Variants in CAMK4 observed in about 807,000 individuals in gnomAD.
CAMK4 encodes the protein calcium/calmodulin-dependent protein kinase type IV.
A neutral mutation model predicts 44.9 loss-of-function variants in CAMK4; 22 were observed. The ratio of observed to expected loss-of-function variants is 0.49; its 90% confidence interval spans 0.35 to 0.70. The LOEUF (loss-of-function observed/expected upper bound fraction) is 0.70. CAMK4 is among the 30% of genes least tolerant of loss of function. CAMK4 has a pLI of 0.01. For synonymous variants in CAMK4, 218 were observed against 215.4 expected, an observed-to-expected ratio of 1.01 and a Z score of -0.11; for missense variants, 498 against 586.8, an observed-to-expected ratio of 0.85 and a Z score of 1.56.
chr5:111,458,457 G>A (rs1204346782), intron 7 of CAMK4, among the ~76,000 whole-genome samples: 1 of 152,138 alleles, frequency 6.6e-6, no homozygotes, highest in Non-Finnish European at 1.5e-5. Context: ...CAGGTTTTTT[G>A]TCATTTATTA....
intron 2 of CAMK4, among the ~76,000 whole-genome samples, chr5:111,353,111 G>C (rs1750182455): frequency 6.6e-6 from 1 of 152,132 alleles, no homozygotes; most frequent in Admixed American, 6.5e-5. Context: ...TAGAAAGCCA[G>C]GTACCTAAAT....
rs764387900 is a variant in CAMK4, at chr5:111,482,801, T to A, written c.845T>A (p.Val282Asp). 2 of 1,607,652 alleles carry A rather than the reference T, an allele frequency of 1.2e-6. No individual in the cohort carries two copies. The highest frequency in any genetic ancestry group is 1.7e-6 in the Non-Finnish European group (2 of 1,178,204). ...NAKDLVRKLI[V>D]LDPKKRLTTF... is the part of the protein sequence containing the mutation. ...TTATTTCAGGTCAGAAAATTAATTG[T>A]TTTGGATCCAAAGAAACGGCTGACT... is the stretch of plus-strand genomic sequence containing the variant. The change falls in exon 10 of 11, where the codon GTT (valine) becomes GAT (aspartate). Residue 282 changes from valine to aspartate, a missense_variant. Coordinates refer to ENST00000282356, the MANE Select transcript of CAMK4 (RefSeq NM_001744.6). This position sits in a 1 kb window ranked among gnomAD's most constrained non-coding sequence, Gnocchi z 4.9.
intron 5 of CAMK4, among the ~76,000 whole-genome samples, chr5:111,442,248 C>A (rs1170383681): frequency 6.6e-6 from 1 of 152,098 alleles, no homozygotes; most frequent in Non-Finnish European, 1.5e-5. Context: ...AATCCCAGCA[C>A]TTGGGGAGGC....
At chr5:111,261,165 T>C (rs1344088320) in intron 1 of CAMK4, among the ~76,000 whole-genome samples, 1 of 152,206 alleles carries the variant, frequency 6.6e-6, no homozygotes, top group African/African-American at 2.4e-5. Flanking sequence ...CCCTGATTAT[T>C]CCCAAACTCA....
At chr5:111,361,535 A>G (rs192079791) in intron 2 of CAMK4, among the ~76,000 whole-genome samples, 1 of 152,158 alleles carries the variant, frequency 6.6e-6, no homozygotes, top group Admixed American at 6.6e-5. Context: ...TTTACCATAT[A>G]AAAATTACTA....
At chr5:111,231,925 G>A (rs1022154078) in intron 1 of CAMK4, among the ~76,000 whole-genome samples, 35 of 152,296 alleles carry the variant, frequency 2.3e-4, no homozygotes, top group African/African-American at 8.2e-4. Flanking sequence ...AAAAAGAGAT[G>A]ATCAAAGATT....
At chr5:111,250,722 T>TATG (rs1288174468) in intron 1 of CAMK4, among the ~76,000 whole-genome samples, 1 of 152,226 alleles carries the variant, frequency 6.6e-6, no homozygotes, top group East Asian at 1.9e-4. Flanking sequence ...CCATCACCAC[T>TATG]ATGATCTTTT....
intron 1 of CAMK4, among the ~76,000 whole-genome samples, chr5:111,234,055 C>G (rs1748596982): frequency 1.3e-5 from 2 of 151,640 alleles, no homozygotes; most frequent in Non-Finnish European, 2.9e-5. Flanking sequence ...ACATATATAC[C>G]ATTAATAGGT....
chr5:111,433,999 C>CA (rs1459183494), intron 5 of CAMK4, among the ~76,000 whole-genome samples: 1 of 152,060 alleles, frequency 6.6e-6, no homozygotes, highest in Non-Finnish European at 1.5e-5. Context: ...GCTTAAAAGA[C>CA]AAATGTAATA....
chr5:111,449,079 A>G (rs1188203655), intron 6 of CAMK4, 50 bp from the exon 7 acceptor site: 2 of 803,250 alleles, frequency 2.5e-6, no homozygotes, highest in East Asian at 2.5e-5. Context: ...ATATTTTGTC[A>G]TAAAAGCTGA....
chr5:111,252,930 T>C (rs768998037), intron 1 of CAMK4, among the ~76,000 whole-genome samples: 3 of 152,236 alleles, frequency 2.0e-5, no homozygotes, highest in Non-Finnish European at 4.4e-5. Context: ...CAAGTGATGC[T>C]ACTTCTATTG....
intron 5 of CAMK4, among the ~76,000 whole-genome samples, chr5:111,395,070 A>G (rs891381106): frequency 1.3e-5 from 2 of 151,780 alleles, no homozygotes; most frequent in African/African-American, 4.8e-5. Flanking sequence ...TTAGCTGGGT[A>G]TGGTGACGCA....
In CAMK4 at chr5:111,407,370, A is replaced by G. The variant is rs556709722; in HGVS notation, c.459+12588A>G. Among the ~76,000 whole-genome samples, 5 of 151,872 alleles carry G rather than the reference A, an allele frequency of 3.3e-5. No homozygotes were observed. The East Asian group carries it at 9.7e-4, about 29-fold the overall frequency. On this transcript the variant is annotated intron_variant, in intron 5 of 10. Coordinates refer to ENST00000282356, the MANE Select transcript of CAMK4 (RefSeq NM_001744.6). ...CTTAAAAAAAAAAAAAAGAAAAGAA[A>G]AACACAAAAACAACACCCCAAAGTA... is the stretch of plus-strand genomic sequence containing the variant.
intron 7 of CAMK4, among the ~76,000 whole-genome samples, chr5:111,468,746 G>A (rs981880682): frequency 3.3e-5 from 5 of 152,102 alleles, no homozygotes; most frequent in African/African-American, 7.2e-5. Context: ...TTGGGAGGCC[G>A]AGGCGGGTGG....
intron 1 of CAMK4, among the ~76,000 whole-genome samples, chr5:111,280,288 G>A (rs994192258): frequency 6.6e-6 from 1 of 152,088 alleles, no homozygotes; most frequent in African/African-American, 2.4e-5. Flanking sequence ...CAGCTTTAGC[G>A]AATTACAGAT....
chr5:111,425,910 C>T (rs149494260), intron 5 of CAMK4, among the ~76,000 whole-genome samples: 1 of 152,164 alleles, frequency 6.6e-6, no homozygotes, highest in African/African-American at 2.4e-5. Flanking sequence ...TTTTTTTAAA[C>T]TATGTCATTT....
chr5:111,258,959 G>A (rs1405009424), intron 1 of CAMK4, among the ~76,000 whole-genome samples: 3 of 152,018 alleles, frequency 2.0e-5, no homozygotes, highest in Admixed American at 2.0e-4. Flanking sequence ...CTCAACATAC[G>A]GTATGAAATT....
Position 111,493,542 on chromosome 5 carries a change from T to G in CAMK4, c.*9076T>G, listed in dbSNP as rs1384856503. ...ATAGGCAATCCCCCAGGATTTCTGA[T>G]TGAATTCTACCTGAAAGTTTAGATT... On this transcript the variant is annotated 3_prime_UTR_variant, in exon 11 of 11. Transcript: ENST00000282356. This position sits in a 1 kb window ranked among gnomAD's most constrained non-coding sequence, Gnocchi z 4.1. 6.6e-6 allele frequency: 1 copy of G among 152,198 alleles called. No individual in the cohort carries two copies. The highest frequency in any genetic ancestry group is 1.5e-5 in the Non-Finnish European group (1 of 68,020). 9.4% of individuals were successfully genotyped at this position (152,198 alleles called of 1,614,324 possible).
chr5:111,435,562 G>C (rs1188793726), intron 5 of CAMK4, among the ~76,000 whole-genome samples: 2 of 152,144 alleles, frequency 1.3e-5, no homozygotes, highest in African/African-American at 4.8e-5. Context: ...CAGCCTGTCT[G>C]TAGGGCCAAG....
Sources: allele counts gnomAD v4.1 joint callset (sites outside exome capture counted in the v4.1 genomes callset), GRCh38; gene constraint gnomAD v4.1.1; non-coding constraint Gnocchi (gnomAD v3.1); transcripts MANE v1.5; gene names NCBI Gene and HGNC (gene_info 2026-07-23, HGNC 2026-07-21).